TNFSF4: variants seen among roughly 807,000 people sequenced by gnomAD.
The protein encoded by TNFSF4 is TNF superfamily member 4.
Under a neutral mutation model 7.3 loss-of-function variants are expected in TNFSF4, and 4 were observed. The ratio of observed to expected loss-of-function variants is 0.55; its 90% CI spans 0.27 to 1.25. TNFSF4 has a LOEUF of 1.25. TNFSF4 is among the 50% of genes most tolerant of loss of function. TNFSF4 has a pLI of 0.12. For synonymous variants in TNFSF4, 76 were observed against 83.7 expected (o/e 0.91, Z 0.50); for missense variants, 181 against 208.8 (o/e 0.87, Z 0.82).
chr1:173,272,298 C>A, the TNFSF4 span, among the ~76,000 whole-genome samples: 339 of 152,080 alleles, frequency 2.2e-3, 2 homozygotes, highest in African/African-American at 6.5e-3. Context: ...ATGTATGTAA[C>A]AAATCTGCAT....
the TNFSF4 span, among the ~76,000 whole-genome samples, chr1:173,411,025 G>A: frequency 6.6e-6 from 1 of 152,208 alleles, no homozygotes; most frequent in African/African-American, 2.4e-5. Flanking sequence ...GGAAGGACTT[G>A]GGGGAAGTCC....
the TNFSF4 span, among the ~76,000 whole-genome samples, chr1:173,256,693 T>A: frequency 6.6e-6 from 1 of 152,278 alleles, no homozygotes; most frequent in African/African-American, 2.4e-5. Flanking sequence ...CTTCTACCCA[T>A]CTCTTACTGC....
the TNFSF4 span, among the ~76,000 whole-genome samples, chr1:173,241,832 G>A: frequency 2.0e-5 from 3 of 152,314 alleles, no homozygotes; most frequent in South Asian, 2.1e-4. Context: ...CTGCAGGAAG[G>A]TGAAACCCAT....
the TNFSF4 span, among the ~76,000 whole-genome samples, chr1:173,370,708 A>C: frequency 6.6e-6 from 1 of 152,210 alleles, no homozygotes; most frequent in African/African-American, 2.4e-5. Context: ...TGGAGGCGTT[A>C]TTAAACCTGG....
the TNFSF4 span, among the ~76,000 whole-genome samples, chr1:173,415,090 C>G: frequency 1.3e-5 from 2 of 152,248 alleles, no homozygotes; most frequent in African/African-American, 2.4e-5. Context: ...TAAATCCCCC[C>G]TTATCCCTGA....
chr1:173,435,236 G>C, the TNFSF4 span, among the ~76,000 whole-genome samples: 8 of 152,184 alleles, frequency 5.3e-5, no homozygotes, highest in African/African-American at 9.7e-5. Flanking sequence ...CTCATCAATA[G>C]ATATGACCCA....
chr1:173,390,737 C>CTTTTTTTTTTT, the TNFSF4 span, among the ~76,000 whole-genome samples: 1 of 131,604 alleles, frequency 7.6e-6, no homozygotes, highest in African/African-American at 2.9e-5. Context: ...CATTCTGCTT[C>CTTTTTTTTTTT]TTTTTTTTTT....
chr1:173,173,013 A>G, the TNFSF4 span, among the ~76,000 whole-genome samples: 96 of 152,282 alleles, frequency 6.3e-4, 1 homozygote, highest in Non-Finnish European at 1.0e-3. Flanking sequence ...TGAAGGAGGA[A>G]AAATCCCCTA....
the TNFSF4 span, among the ~76,000 whole-genome samples, chr1:173,319,032 G>A: frequency 1.3e-5 from 2 of 152,206 alleles, no homozygotes; most frequent in African/African-American, 2.4e-5. Flanking sequence ...AAGCCAGGGG[G>A]CCAAGTGTTC....
chr1:173,376,037 T>C, the TNFSF4 span, among the ~76,000 whole-genome samples: 5 of 152,176 alleles, frequency 3.3e-5, no homozygotes, highest in African/African-American at 4.8e-5. Flanking sequence ...TTCTCCTACA[T>C]GTTACTCCTC....
chr1:173,391,152 T>C, the TNFSF4 span, among the ~76,000 whole-genome samples: 1 of 152,004 alleles, frequency 6.6e-6, no homozygotes, highest in Admixed American at 6.6e-5. Flanking sequence ...AAAATCTGTA[T>C]TCAACATTTC....
the TNFSF4 span, among the ~76,000 whole-genome samples, chr1:173,322,606 G>C: frequency 1.3e-5 from 2 of 152,180 alleles, no homozygotes; most frequent in African/African-American, 4.8e-5. Context: ...CACCTGGGAA[G>C]CACAAGGGGT....
chr1:173,427,682 G>A, the TNFSF4 span, among the ~76,000 whole-genome samples: 1 of 152,136 alleles, frequency 6.6e-6, no homozygotes, highest in Non-Finnish European at 1.5e-5. Context: ...TGAGAAATGT[G>A]TTATTAGGTG....
At chr1:173,193,772 A>G (rs1007809197) in intron 1 of TNFSF4, among the ~76,000 whole-genome samples, 3 of 150,900 alleles carry the variant, frequency 2.0e-5, no homozygotes, top group Admixed American at 6.6e-5. Flanking sequence ...GTGAAGCAAA[A>G]AAAAAAAAAA....
the TNFSF4 span, among the ~76,000 whole-genome samples, chr1:173,437,875 T>A: frequency 1.3e-5 from 2 of 150,656 alleles, no homozygotes; most frequent in African/African-American, 4.8e-5. Flanking sequence ...TCTTCCATCA[T>A]AAAATTTTCT....
At chr1:173,325,861 G>C in the TNFSF4 span, among the ~76,000 whole-genome samples, 1 of 152,276 alleles carries the variant, frequency 6.6e-6, no homozygotes, top group South Asian at 2.1e-4. Flanking sequence ...CTCTGAAATT[G>C]AGGCAATAAT....
chr1:173,173,084 C>T, the TNFSF4 span, among the ~76,000 whole-genome samples: 1 of 152,160 alleles, frequency 6.6e-6, no homozygotes, highest in Non-Finnish European at 1.5e-5. Flanking sequence ...GGGGGAACTA[C>T]CCCCATGATC....
the TNFSF4 span, among the ~76,000 whole-genome samples, chr1:173,299,946 A>T: frequency 7.9e-5 from 12 of 151,760 alleles, no homozygotes; most frequent in South Asian, 8.3e-4. Flanking sequence ...CCCATTGTCA[A>T]CTGCTCACAT....
the TNFSF4 span, among the ~76,000 whole-genome samples, chr1:173,421,719 A>T: frequency 6.6e-6 from 1 of 151,902 alleles, no homozygotes; most frequent in Admixed American, 6.6e-5. Context: ...CCCCACTGAT[A>T]TTCATATTTT....
Sources: allele counts gnomAD v4.1 joint callset (sites outside exome capture counted in the v4.1 genomes callset), GRCh38; gene constraint gnomAD v4.1.1; transcripts MANE v1.5; gene names NCBI Gene and HGNC (gene_info 2026-07-23, HGNC 2026-07-21).